The following ANAPC1 variants were observed in gnomAD, a reference collection of about 807,000 sequenced individuals.
ANAPC1 encodes anaphase promoting complex subunit 1.
Under a neutral mutation model 208.0 loss-of-function variants are expected in ANAPC1, and 36 were observed. The observed-to-expected ratio is 0.17, with a 90% CI of 0.13 to 0.23. The LOEUF (loss-of-function observed/expected upper bound fraction) is 0.23, where lower values mean the gene tolerates loss of function less well. ANAPC1 is among the 10% of genes least tolerant of loss of function. The pLI, the probability that ANAPC1 is intolerant of heterozygous loss-of-function variation, is 1.00. For synonymous variants in ANAPC1, 378 were observed against 695.2 expected (o/e 0.54, Z 7.18); for missense variants, 942 against 2,011.6 (o/e 0.47, Z 10.17).
chr2:111,842,239 G>A (rs915759329), intron 17 of ANAPC1, among the ~76,000 whole-genome samples: 3 of 152,058 alleles, frequency 2.0e-5, no homozygotes, highest in African/African-American at 7.2e-5. Flanking sequence ...TATATAGAAG[G>A]TAACATCAAA....
intron 24 of ANAPC1, among the ~76,000 whole-genome samples, chr2:111,824,310 CTTT>C (rs1679711838): frequency 6.9e-6 from 1 of 145,488 alleles, no homozygotes; most frequent in African/African-American, 2.5e-5. Context: ...TCAAAAACAT[CTTT>C]TAATATTCAT....
chr2:111,770,230 A>ATATATATATATATAC (rs1558652585), intron 47 of ANAPC1, among the ~76,000 whole-genome samples: 72 of 89,382 alleles, frequency 8.1e-4, no homozygotes, highest in African/African-American at 3.2e-3. Flanking sequence ...TATATATATA[A>ATATATATATATATAC]ATTCTTTAAA....
intron 20 of ANAPC1, 69 bp from the exon 21 acceptor site, chr2:111,831,503 G>T (rs11675449): frequency 2.4e-6 from 3 of 1,242,030 alleles, no homozygotes; most frequent in Non-Finnish European, 3.4e-6. Flanking sequence ...TATTTTAAAC[G>T]GAAGATGATC....
chr2:111,787,924 C>T (rs574279226), intron 39 of ANAPC1, among the ~76,000 whole-genome samples: 1 of 149,058 alleles, frequency 6.7e-6, no homozygotes, highest in South Asian at 2.1e-4. Flanking sequence ...CTGAACTTCC[C>T]TTGGCAACTA....
At chr2:111,853,064 G>A (rs78707203) in intron 13 of ANAPC1, among the ~76,000 whole-genome samples, 42,838 of 151,980 alleles carry the variant, frequency 0.28, 6,489 homozygotes, top group Non-Finnish European at 0.33. Flanking sequence ...GGAATGAACT[G>A]ACATTTATAA....
In ANAPC1 at chr2:111,847,919, A is replaced by G. The variant is rs1396177017; in HGVS notation, c.1651-54T>C. On this transcript the variant is annotated intron_variant, in intron 14 of 47. Coordinates refer to ENST00000341068, the MANE Select transcript of ANAPC1 (RefSeq NM_022662.4). ...TGAATTGTTTTCTGAGAAATTAAGG[A>G]CAAGGAAATTTAACTGTTTCTTTTT... The G allele has an allele frequency of 2.7e-6, 4 of 1,458,942 alleles. No homozygotes were observed. The African/African-American group carries it at 4.3e-5, about 16-fold the overall frequency. The allele number at this position is 1,458,942 out of a possible 1,614,324, so 90.4% of individuals were successfully genotyped here.
At chr2:111,843,673 T>C in intron 16 of ANAPC1, 74 bp from the exon 17 acceptor site, 1 of 1,346,826 alleles carries the variant, frequency 7.4e-7, no homozygotes, top group South Asian at 1.5e-5. Context: ...TCACCAAGTT[T>C]TTTAACTTCT....
chr2:111,794,797 T>A lies in ANAPC1; in HGVS notation c.4373+21A>T, dbSNP rs970339730. The stretch of plus-strand genomic sequence containing the variant: ...ATCTGATAGACGCTAGGATAGCTAA[T>A]TTGCATTATACATCACTTACGACAA... On this transcript the variant is annotated intron_variant, in intron 35 of 47. Transcript: ENST00000341068. 9 of 1,212,422 alleles carry A rather than the reference T, an allele frequency of 7.4e-6. No homozygotes were observed. In the African/African-American group the frequency reaches 1.4e-4, roughly 18 times the overall value. The allele number at this position is 1,212,422 out of a possible 1,614,324, so 75.1% of individuals were successfully genotyped here. A position where few individuals can be genotyped will look rare whatever the true frequency, so the allele number is the denominator to read the frequency against.
chr2:111,790,653 A>C (rs1677826333), intron 38 of ANAPC1, among the ~76,000 whole-genome samples: 1 of 152,002 alleles, frequency 6.6e-6, no homozygotes, highest in South Asian at 2.1e-4. Context: ...TCTCTGGGTA[A>C]GAAAATATTT....
At chr2:111,784,254 T>G in intron 41 of ANAPC1, 69 bp downstream of exon 41, 6 of 1,613,758 alleles carry the variant, frequency 3.7e-6, no homozygotes, top group Non-Finnish European at 5.1e-6. Context: ...TTTATTTAGC[T>G]ATCTTTAACG....
At chr2:111,842,804 A>T (rs530096597) in intron 17 of ANAPC1, among the ~76,000 whole-genome samples, 7 of 152,150 alleles carry the variant, frequency 4.6e-5, no homozygotes, top group Non-Finnish European at 1.0e-4. Context: ...CTAGAAGGAG[A>T]TCACCAATAC....
Position 111,862,381 on chromosome 2 carries a change from T to C in ANAPC1, c.1262+8A>G, listed in dbSNP as rs1682119086. On this transcript the variant is annotated splice_region_variant and intron_variant, in intron 10 of 47. Transcript: ENST00000341068. ...TTTTCTTTGAATATAATAATATATATAACAAACCTTATATTAGTAATCGTT... is the reference window on the plus strand; with the variant it reads ...TTTTCTTTGAATATAATAATATATACAACAAACCTTATATTAGTAATCGTT... The C allele has an allele frequency of 6.6e-7, 1 of 1,506,354 alleles. No homozygotes were observed. Among genetic ancestry groups the C allele is most frequent in the Non-Finnish European group, 8.8e-7 (1 of 1,130,320 alleles). 93.3% of individuals were successfully genotyped at this position (1,506,354 alleles called of 1,614,324 possible). A position where few individuals can be genotyped will look rare whatever the true frequency, so the allele number is the denominator to read the frequency against.
rs569144329 is a variant in ANAPC1 at position 111,850,193 on chromosome 2, T to C, written c.1650+583A>G. Among the ~76,000 whole-genome samples the C allele has an allele frequency of 2.0e-5, 3 of 151,548 alleles. No individual in the cohort carries two copies. In the South Asian group the frequency reaches 6.3e-4, roughly 32 times the overall value. On this transcript the variant is annotated intron_variant, in intron 14 of 47. Transcript: ENST00000341068. ...TACTTGTACTTTTATAAGTATTTAT[T>C]CTACAGATTTATTGAGTCCTTATGA... is the stretch of plus-strand genomic sequence containing the variant.
chr2:111,796,334 CTTTT>C (rs995262280), intron 34 of ANAPC1, among the ~76,000 whole-genome samples: 1 of 147,660 alleles, frequency 6.8e-6, no homozygotes, highest in East Asian at 2.0e-4. Context: ...TATCTTTCCT[CTTTT>C]TTTTTGCCTT....
intron 18 of ANAPC1, among the ~76,000 whole-genome samples, chr2:111,836,275 G>A (rs576174962): frequency 3.6e-4 from 54 of 151,516 alleles, no homozygotes; most frequent in African/African-American, 1.2e-3. Context: ...GATTACAGGC[G>A]TGAATTTTCA....
intron 27 of ANAPC1, among the ~76,000 whole-genome samples, chr2:111,816,531 A>G (rs1325690991): frequency 3.3e-5 from 5 of 150,350 alleles, no homozygotes; most frequent in Admixed American, 2.0e-4. Flanking sequence ...AATGTAAATT[A>G]TATGTTCACA....
At chr2:111,774,068 T>C (rs1676883460) in intron 46 of ANAPC1, among the ~76,000 whole-genome samples, 3 of 152,022 alleles carry the variant, frequency 2.0e-5, no homozygotes, top group East Asian at 1.9e-4. Context: ...CTGTTCTAGG[T>C]AGAAATAGTA....
At chr2:111,830,996 T>C (rs1257938785) in intron 21 of ANAPC1, among the ~76,000 whole-genome samples, 1 of 152,190 alleles carries the variant, frequency 6.6e-6, no homozygotes, top group Non-Finnish European at 1.5e-5. Context: ...AACCCAACTA[T>C]CTTGAATGAA....
chr2:111,859,636 C>T (rs1032823218), intron 10 of ANAPC1, among the ~76,000 whole-genome samples: 16 of 152,296 alleles, frequency 1.1e-4, no homozygotes, highest in African/African-American at 3.6e-4. Flanking sequence ...CAGACTACTT[C>T]AACATTGTAT....
Sources: allele counts gnomAD v4.1 joint callset (sites outside exome capture counted in the v4.1 genomes callset), GRCh38; gene constraint gnomAD v4.1.1; transcripts MANE v1.5; gene names NCBI Gene and HGNC (gene_info 2026-07-23, HGNC 2026-07-21).